Variants in NBPF8 observed in about 807,000 individuals in gnomAD.
NBPF8 encodes NBPF family member NBPF8.
intron 17 of NBPF8, among the ~76,000 whole-genome samples, chr1:120,459,738 C>T (rs1206363454): frequency 6.6e-6 from 1 of 152,150 alleles, no homozygotes; most frequent in Non-Finnish European, 1.5e-5. Flanking sequence ...TTCCTAGTCT[C>T]ACGCCATGCC....
upstream of NBPF8, among the ~76,000 whole-genome samples, chr1:120,416,133 T>TTC (rs1660431306): frequency 1.3e-5 from 2 of 152,108 alleles, no homozygotes; most frequent in African/African-American, 4.8e-5. Context: ...TTAGTCTTTG[T>TTC]TCTGAGCTGA....
chr1:120,449,944 AG>A (rs1304727248), intron 11 of NBPF8, among the ~76,000 whole-genome samples: 1 of 152,142 alleles, frequency 6.6e-6, no homozygotes, highest in African/African-American at 2.4e-5. Context: ...AGCAGGGAGT[AG>A]GGGCCGTGCA....
chr1:120,462,823 A>G (rs1349831626), exon 21 of NBPF8: 340 of 322,264 alleles, frequency 1.1e-3, no homozygotes, highest in Non-Finnish European at 1.4e-3. Flanking sequence ...GATGAGAAAG[A>G]GCCTGAAGTC....
At chr1:120,454,447 G>T (rs1177246294) in intron 15 of NBPF8, among the ~76,000 whole-genome samples, 2 of 151,950 alleles carry the variant, frequency 1.3e-5, no homozygotes. Context: ...AATGTCCATG[G>T]AGTTTCTATG....
At chr1:120,450,739 C>A (rs1337189246) in intron 11 of NBPF8, among the ~76,000 whole-genome samples, 30,377 of 151,566 alleles carry the variant, frequency 0.2, 3,650 homozygotes, top group East Asian at 0.66. Flanking sequence ...AAATCTTTCG[C>A]ATACTTGTCC....
At chr1:120,453,212 G>A (rs1409975566) in intron 13 of NBPF8, among the ~76,000 whole-genome samples, 160 bp from the exon 12 acceptor site, 597 of 127,544 alleles carry the variant, frequency 4.7e-3, no homozygotes, top group African/African-American at 0.011. Context: ...TGATGGATCA[G>A]GAAACCATGC....
chr1:120,424,443 CTTTAT>C (rs1212359896), intron 1 of NBPF8, among the ~76,000 whole-genome samples: 4 of 151,874 alleles, frequency 2.6e-5, no homozygotes, highest in Admixed American at 1.3e-4. Context: ...AGTGAACCGT[CTTTAT>C]TTTATCTTTT....
upstream of NBPF8, among the ~76,000 whole-genome samples, chr1:120,415,385 C>T (rs1553244984): frequency 6.5e-4 from 55 of 85,142 alleles, no homozygotes; most frequent in South Asian, 0.021. Context: ...GAGGGCGAGG[C>T]GGGGTGGGGG....
upstream of NBPF8, among the ~76,000 whole-genome samples, chr1:120,416,717 A>T (rs1553245261): frequency 2.0e-5 from 3 of 151,360 alleles, no homozygotes; most frequent in African/African-American, 7.3e-5. Flanking sequence ...TAGGAGTGAC[A>T]TTGTTGGTTT....
intron 1 of NBPF8, among the ~76,000 whole-genome samples, chr1:120,424,264 A>G (rs1173998518): frequency 6.6e-6 from 1 of 150,584 alleles, no homozygotes; most frequent in East Asian, 2.0e-4. Context: ...GTTTTTGGGG[A>G]AACATAATAG....
At position 120,422,769 on chromosome 1, in the gene NBPF8, G is replaced by A. The variant is rs1286831536; in HGVS notation, n.269+2651G>A. 4.3e-5 allele frequency among the ~76,000 whole-genome samples: 5 copies of A among 115,764 alleles called. 1 individual carries two copies. Among genetic ancestry groups the A allele is most frequent in the Non-Finnish European group, 8.8e-5 (5 of 56,820 alleles). The allele number at this position is 115,764 out of a possible 152,430, so 75.9% of individuals were successfully genotyped here. A position where few individuals can be genotyped will look rare whatever the true frequency, so the allele number is the denominator to read the frequency against. On this transcript the variant is annotated intron_variant and non_coding_transcript_variant, in intron 1 of 28. Coordinates refer to the NBPF8 transcript ENST00000652355. ...TTTTGATTTCCACTAGCTATGGAGAGTTCTGGTTGTTCCTCATCTTCGACA... is the reference window on the plus strand; with the variant it reads ...TTTTGATTTCCACTAGCTATGGAGAATTCTGGTTGTTCCTCATCTTCGACA...
At chr1:120,430,459 A>G (rs1411902910) in intron 3 of NBPF8, among the ~76,000 whole-genome samples, 1 of 108,462 alleles carries the variant, frequency 9.2e-6, no homozygotes, top group Non-Finnish European at 1.9e-5. Flanking sequence ...TTGTGCTTAT[A>G]AACAAATTCA....
chr1:120,454,070 C>T, exon 15 of NBPF8: 2 of 1,613,302 alleles, frequency 1.2e-6, no homozygotes, highest in Non-Finnish European at 1.7e-6. Context: ...CTCATTGGCT[C>T]ATCCTCTCAT....
In NBPF8 at chr1:120,463,286, A is replaced by G. The variant is rs1373790648; in HGVS notation, n.3234+320A>G. Among the ~76,000 whole-genome samples the G allele has an allele frequency of 1.5e-3, 222 of 144,800 alleles. 1 individual carries two copies. Among genetic ancestry groups the G allele is most frequent in the Non-Finnish European group, 2.5e-3 (164 of 66,406 alleles). 95.0% of individuals were successfully genotyped at this position (144,800 alleles called of 152,430 possible). The stretch of plus-strand genomic sequence containing the variant: ...CAAGGGTTTGTAGATTTCCTCCTTC[A>G]TTCTAATTTCAGTGTCTCAAATTCT... On this transcript the variant is annotated intron_variant and non_coding_transcript_variant, in intron 21 of 24. Transcript: ENST00000583271.
intron 3 of NBPF8, among the ~76,000 whole-genome samples, chr1:120,430,445 C>T (rs1315946981): frequency 9.2e-6 from 1 of 108,472 alleles, no homozygotes; most frequent in Non-Finnish European, 1.9e-5. Context: ...CATCTAAATA[C>T]ATGTTGTGCT....
At chr1:120,450,586 C>A (rs1425840764) in intron 11 of NBPF8, among the ~76,000 whole-genome samples, 5 of 152,070 alleles carry the variant, frequency 3.3e-5, no homozygotes, top group Non-Finnish European at 4.4e-5. Context: ...CTTCATTCTG[C>A]TGTTTCTAAA....
intron 11 of NBPF8, among the ~76,000 whole-genome samples, chr1:120,450,018 G>A (rs1199332389): frequency 1.3e-5 from 2 of 152,094 alleles, no homozygotes; most frequent in African/African-American, 2.4e-5. Context: ...CATCAGGTCA[G>A]GAGTTTGGGA....
intron 16 of NBPF8, among the ~76,000 whole-genome samples, chr1:120,456,366 G>C (rs1661436335): frequency 6.7e-6 from 1 of 149,750 alleles, no homozygotes; most frequent in Admixed American, 6.6e-5. Flanking sequence ...ACACTGGGGT[G>C]TTAAAGTCTC....
intron 1 of NBPF8, among the ~76,000 whole-genome samples, chr1:120,421,954 A>G (rs1300833423): frequency 6.6e-6 from 1 of 152,064 alleles, no homozygotes; most frequent in Non-Finnish European, 1.5e-5. Context: ...ACAGGCATTG[A>G]AATCTCCAAC....
Sources: allele counts gnomAD v4.1 joint callset (sites outside exome capture counted in the v4.1 genomes callset), GRCh38; gene constraint gnomAD v4.1.1; transcripts MANE v1.5; gene names NCBI Gene and HGNC (gene_info 2026-07-23, HGNC 2026-07-21).